ADCK1: variants seen among roughly 807,000 people sequenced by gnomAD.
The protein encoded by ADCK1 is aarF domain-containing protein kinase 1.
Under a neutral mutation model 52.3 loss-of-function variants are expected in ADCK1, and 41 were observed. That is an observed-to-expected ratio of 0.78 (90% CI 0.61 to 1.02). The LOEUF (loss-of-function observed/expected upper bound fraction) is 1.02. Among genes scored for constraint, ADCK1 ranks in the 50% least tolerant of loss-of-function variants. ADCK1 has a pLI of 0.00. For missense variants in ADCK1, 658 were observed against 679.5 expected (o/e 0.97, Z 0.35); for synonymous variants, 250 against 274.6 (o/e 0.91, Z 0.89).
At chr14:77,822,010 A>G (rs1455785560) in intron 2 of ADCK1, among the ~76,000 whole-genome samples, 1 of 151,896 alleles carries the variant, frequency 6.6e-6, no homozygotes, top group Non-Finnish European at 1.5e-5. Flanking sequence ...AGTAGCTTTG[A>G]TTGAGCATTT....
chr14:77,881,123 A>G (rs761655520), intron 4 of ADCK1, among the ~76,000 whole-genome samples: 6 of 152,230 alleles, frequency 3.9e-5, no homozygotes, highest in Non-Finnish European at 5.9e-5. Context: ...TGTGACTTAA[A>G]TCAATAAACA....
intron 4 of ADCK1, among the ~76,000 whole-genome samples, chr14:77,875,671 A>G (rs1260397711): frequency 1.3e-5 from 2 of 152,048 alleles, no homozygotes; most frequent in African/African-American, 4.8e-5. Flanking sequence ...GCTGTGTGTG[A>G]ACTATGGACT....
intron 7 of ADCK1, among the ~76,000 whole-genome samples, chr14:77,919,622 A>G (rs1364417022): frequency 1.3e-5 from 2 of 152,234 alleles, no homozygotes; most frequent in Admixed American, 6.5e-5. Flanking sequence ...GCTGGATCAA[A>G]TGGTAGTTCT....
intron 6 of ADCK1, among the ~76,000 whole-genome samples, chr14:77,903,566 G>A (rs749561650): frequency 1.5e-4 from 23 of 152,326 alleles, no homozygotes; most frequent in East Asian, 3.9e-4. Context: ...GCAGCAGAGC[G>A]TATGTGCCAG....
chr14:77,931,432 C>T, intron 9 of ADCK1, 86 bp from the exon 10 acceptor site: 2 of 1,412,522 alleles, frequency 1.4e-6, no homozygotes, highest in Non-Finnish European at 1.9e-6. Flanking sequence ...TTGCAGCCCT[C>T]TGGTCACAGC....
At chr14:77,878,189 C>A (rs2082940561) in intron 4 of ADCK1, among the ~76,000 whole-genome samples, 1 of 152,254 alleles carries the variant, frequency 6.6e-6, no homozygotes, top group African/African-American at 2.4e-5. Context: ...ATTTACTCCT[C>A]AAATGCCCAG....
chr14:77,838,662 T>C (rs1594909025), intron 3 of ADCK1, among the ~76,000 whole-genome samples: 1 of 152,234 alleles, frequency 6.6e-6, no homozygotes, highest in Non-Finnish European at 1.5e-5. Context: ...CCTACCAAGC[T>C]GCTGGGATTA....
intron 1 of ADCK1, among the ~76,000 whole-genome samples, chr14:77,818,256 A>G (rs186942744): frequency 2.0e-5 from 3 of 151,692 alleles, no homozygotes; most frequent in African/African-American, 4.8e-5. Flanking sequence ...CTAAAATAAC[A>G]TTCTTCCTCT....
chr14:77,861,550 A>G (rs1054096771), intron 4 of ADCK1, among the ~76,000 whole-genome samples: 2 of 151,884 alleles, frequency 1.3e-5, no homozygotes, highest in African/African-American at 2.4e-5. Context: ...TGCCAGCCCT[A>G]AGACCTTCTG....
At chr14:77,813,033 A>C (rs1186062539) in intron 1 of ADCK1, among the ~76,000 whole-genome samples, 1 of 147,898 alleles carries the variant, frequency 6.8e-6, no homozygotes, top group Non-Finnish European at 1.5e-5. Flanking sequence ...GCGAAGTTTC[A>C]CTCTTGTTGC....
intron 3 of ADCK1, among the ~76,000 whole-genome samples, chr14:77,852,941 G>T (rs747246849): frequency 2.1e-4 from 10 of 48,136 alleles, no homozygotes; most frequent in Non-Finnish European, 2.9e-4. Context: ...TAGAGACAGG[G>T]TCTTGCTGTG....
chr14:77,891,763 A>G (rs2083289038), intron 5 of ADCK1, among the ~76,000 whole-genome samples: 1 of 152,190 alleles, frequency 6.6e-6, no homozygotes, highest in African/African-American at 2.4e-5. Flanking sequence ...CAGGATTAGC[A>G]GCAGCACTGG....
chr14:77,894,736 GTTTTT>G, intron 5 of ADCK1, among the ~76,000 whole-genome samples: 33 of 36,474 alleles, frequency 9.0e-4, no homozygotes, highest in South Asian at 3.3e-3. Flanking sequence ...TTCTTTTCTT[GTTTTT>G]TTTTTTTTTT....
At chr14:77,842,750 A>G (rs1431957220) in intron 3 of ADCK1, among the ~76,000 whole-genome samples, 1 of 151,770 alleles carries the variant, frequency 6.6e-6, no homozygotes. Context: ...AGGTTTCACC[A>G]TGTTGGCCAG....
At chr14:77,834,010 A>G (rs2081910706) in intron 3 of ADCK1, among the ~76,000 whole-genome samples, 1 of 152,216 alleles carries the variant, frequency 6.6e-6, no homozygotes, top group Admixed American at 6.5e-5. Flanking sequence ...GCCCAATTTC[A>G]GAAATAGTAC....
At chr14:77,905,304 G>GTTTTTTTTTTTTTTTTTTTTTCTTTT (rs58057378) in intron 6 of ADCK1, among the ~76,000 whole-genome samples, 1 of 96,278 alleles carries the variant, frequency 1.0e-5, no homozygotes, top group Non-Finnish European at 2.0e-5. Flanking sequence ...TTCCTAGCTG[G>GTTTTTTTTTTTTTTTTTTTTTCTTTT]TTTTTTTTTT....
rs184042447 is a variant in ADCK1, at chr14:77,824,398, T to A, written c.219+1880T>A. On this transcript the variant is annotated intron_variant, in intron 3 of 10. Coordinates refer to ENST00000238561, the MANE Select transcript of ADCK1 (RefSeq NM_020421.4). Reference sequence around the variant, plus strand: ...GATAGTCCATATTCAATTTCCCTTGTCCCCAAAATGTCTTTTCCTTTCTTT... The same window carrying A: ...GATAGTCCATATTCAATTTCCCTTGACCCCAAAATGTCTTTTCCTTTCTTT... 2.8e-3 allele frequency among the ~76,000 whole-genome samples: 427 copies of A among 151,888 alleles called. 2 individuals are homozygous for A. The highest frequency in any genetic ancestry group is 9.0e-3 in the South Asian group (43 of 4,800).
chr14:77,880,343 A>G (rs951070792), intron 4 of ADCK1, among the ~76,000 whole-genome samples: 8 of 152,346 alleles, frequency 5.3e-5, no homozygotes, highest in Middle Eastern at 3.4e-3. Context: ...GGCCCTTGTC[A>G]GGAGGGCCTC....
intron 4 of ADCK1, among the ~76,000 whole-genome samples, chr14:77,878,868 G>T (rs2082956298): frequency 6.6e-6 from 1 of 152,140 alleles, no homozygotes; most frequent in Admixed American, 6.5e-5. Context: ...CAGTGCCTGT[G>T]GCCTACAATT....
Sources: allele counts gnomAD v4.1 joint callset (sites outside exome capture counted in the v4.1 genomes callset), GRCh38; gene constraint gnomAD v4.1.1; transcripts MANE v1.5; gene names NCBI Gene and HGNC (gene_info 2026-07-23, HGNC 2026-07-21).